Variants in DEPTOR observed in about 807,000 individuals in gnomAD.
DEPTOR encodes the protein DEP domain containing MTOR interacting protein.
Under a neutral mutation model 41.6 loss-of-function variants are expected in DEPTOR, and 41 were observed. The observed-to-expected ratio is 0.98, with a 90% CI of 0.77 to 1.28. The LOEUF (loss-of-function observed/expected upper bound fraction) is 1.28, where lower values mean the gene tolerates loss of function less well. Among genes scored for constraint, DEPTOR ranks in the 50% most tolerant of loss-of-function variants. The probability of loss-of-function intolerance (pLI) is 0.00; values close to 1 mark genes in which losing one functional copy is unlikely to be tolerated. For synonymous variants in DEPTOR, 195 were observed against 192.3 expected, an observed-to-expected ratio of 1.01 and a Z score of -0.12; for missense variants, 514 against 527.9, an observed-to-expected ratio of 0.97 and a Z score of 0.26.
intron 2 of DEPTOR, among the ~76,000 whole-genome samples, chr8:119,929,079 G>A (rs1586619409): frequency 6.6e-6 from 1 of 152,208 alleles, no homozygotes; most frequent in East Asian, 1.9e-4. Flanking sequence ...TTTTGCTGTT[G>A]TATAATACAT....
At chr8:119,959,582 AGTGGT>A (rs1368993098) in intron 3 of DEPTOR, among the ~76,000 whole-genome samples, 1 of 151,306 alleles carries the variant, frequency 6.6e-6, no homozygotes, top group Non-Finnish European at 1.5e-5. Context: ...GCTGGAGTAC[AGTGGT>A]GCGATCTCGG....
intron 3 of DEPTOR, among the ~76,000 whole-genome samples, chr8:119,943,899 T>G (rs931495867): frequency 2.0e-5 from 3 of 152,054 alleles, no homozygotes; most frequent in African/African-American, 4.8e-5. Flanking sequence ...GTGCAGTGGC[T>G]CAATCTTGGC....
intron 4 of DEPTOR, among the ~76,000 whole-genome samples, chr8:119,976,789 G>A (rs1419710540): frequency 6.6e-6 from 1 of 152,094 alleles, no homozygotes; most frequent in Admixed American, 6.6e-5. Context: ...TCTTGACCCT[G>A]GGTGGGGACC....
intron 1 of DEPTOR, among the ~76,000 whole-genome samples, chr8:119,920,391 T>G (rs996835276): frequency 2.0e-5 from 3 of 152,214 alleles, no homozygotes; most frequent in African/African-American, 7.2e-5. Flanking sequence ...TGCTTTACTG[T>G]TGGCGCTAAA....
At chr8:120,036,936 G>C (rs567105405) in intron 8 of DEPTOR, among the ~76,000 whole-genome samples, 1 of 152,314 alleles carries the variant, frequency 6.6e-6, no homozygotes, top group African/African-American at 2.4e-5. Context: ...TCCTTGGGAG[G>C]TTCTCTTAGA....
chr8:119,891,749 G>C (rs746059245), intron 1 of DEPTOR, among the ~76,000 whole-genome samples: 10 of 151,840 alleles, frequency 6.6e-5, no homozygotes, highest in African/African-American at 1.2e-4. Context: ...TGTATTACTT[G>C]AGTTTTGATG....
chr8:120,019,920 A>G (rs1292312910), intron 8 of DEPTOR, among the ~76,000 whole-genome samples: 1 of 152,040 alleles, frequency 6.6e-6, no homozygotes, highest in Non-Finnish European at 1.5e-5. Context: ...AGTCACTGCC[A>G]CACTGCTCGT....
intron 8 of DEPTOR, among the ~76,000 whole-genome samples, chr8:120,013,900 C>A (rs1027859472): frequency 6.7e-6 from 1 of 148,856 alleles, no homozygotes; most frequent in East Asian, 2.0e-4. Context: ...CGTGCAGTGG[C>A]GGGATCTCAG....
At chr8:119,894,358 A>G (rs1156637554) in intron 1 of DEPTOR, among the ~76,000 whole-genome samples, 1 of 149,036 alleles carries the variant, frequency 6.7e-6, no homozygotes, top group Non-Finnish European at 1.5e-5. Context: ...GGTGTGAACC[A>G]CTGCACCTGG....
intron 3 of DEPTOR, among the ~76,000 whole-genome samples, chr8:119,964,373 G>T (rs1253272233): frequency 6.6e-6 from 1 of 151,918 alleles, no homozygotes; most frequent in East Asian, 1.9e-4. Context: ...AAATTAGCCG[G>T]GTGTAGTGGC....
intron 5 of DEPTOR, among the ~76,000 whole-genome samples, 186 bp from the exon 6 acceptor site, chr8:120,002,791 A>ATATATATATATATATATAT (rs1554584639): frequency 1.6e-5 from 1 of 60,668 alleles, no homozygotes; most frequent in Non-Finnish European, 2.9e-5. Context: ...AAAAAAAAAA[A>ATATATATATATATATATAT]ATATATATAT....
chr8:120,014,388 C>G (rs771222564), intron 8 of DEPTOR, among the ~76,000 whole-genome samples: 1 of 152,188 alleles, frequency 6.6e-6, no homozygotes, highest in Admixed American at 6.5e-5. Flanking sequence ...GTGCAAGGCT[C>G]TTTCGCTACA....
chr8:120,007,752 CG>C (rs1812466732), intron 7 of DEPTOR, among the ~76,000 whole-genome samples: 1 of 152,174 alleles, frequency 6.6e-6, no homozygotes, highest in South Asian at 2.1e-4. Context: ...AGGAGAAAGG[CG>C]CTGACAACAT....
intron 8 of DEPTOR, among the ~76,000 whole-genome samples, chr8:120,049,001 T>G: frequency 6.6e-6 from 1 of 152,164 alleles, no homozygotes. Flanking sequence ...AAGTAATAAG[T>G]ATAGATATTT....
At chr8:119,899,596 T>C (rs1403182037) in intron 1 of DEPTOR, among the ~76,000 whole-genome samples, 3 of 152,224 alleles carry the variant, frequency 2.0e-5, no homozygotes, top group Non-Finnish European at 2.9e-5. Context: ...GCAATTGGAA[T>C]GGTTTTTGTT....
In DEPTOR at chr8:119,928,468, T is replaced by C. The variant is rs1256303031; in HGVS notation, c.191T>C (p.Phe64Ser). Residue 64 changes from phenylalanine to serine, a missense_variant, in exon 2 of 9, where the codon TTT becomes TCT. Phe to Ser is a radical substitution (Grantham distance 155, BLOSUM62 -2). Coordinates refer to ENST00000286234, the MANE Select transcript of DEPTOR (RefSeq NM_022783.4). ...CATCTCAAGACCTACCCAAACTGTT[T>C]TGTCGCAAAAGAACTGATTGACTGG... is the stretch of plus-strand genomic sequence containing the variant. ...RHHLKTYPNC[F>S]VAKELIDWLI... 1 of 1,614,204 alleles carries C rather than the reference T, an allele frequency of 6.2e-7. No individual in the cohort carries two copies. Among genetic ancestry groups the C allele is most frequent in the South Asian group, 1.1e-5 (1 of 91,078 alleles).
chr8:119,882,072 G>T (rs779326841), intron 1 of DEPTOR, among the ~76,000 whole-genome samples: 10 of 152,064 alleles, frequency 6.6e-5, no homozygotes, highest in Non-Finnish European at 1.2e-4. Context: ...TTAATTTTTA[G>T]TAGAGATGAG....
chr8:119,959,761 C>A (rs1828466423), intron 3 of DEPTOR, among the ~76,000 whole-genome samples: 1 of 151,926 alleles, frequency 6.6e-6, no homozygotes, highest in African/African-American at 2.4e-5. Flanking sequence ...AAACTCATGA[C>A]CTCAAGTAAT....
At chr8:119,971,230 CAAA>C (rs36009381) in intron 4 of DEPTOR, among the ~76,000 whole-genome samples, 181 of 109,494 alleles carry the variant, frequency 1.7e-3, no homozygotes, top group South Asian at 1.8e-3. Flanking sequence ...GACTCCGTCT[CAAA>C]AAAAAAAAAA....
Sources: gnomAD v4.1 joint callset for allele counts (sites outside exome capture counted in the v4.1 genomes callset) on GRCh38, gnomAD v4.1.1 for gene constraint, MANE v1.5 for transcripts, NCBI Gene and HGNC (gene_info 2026-07-23, HGNC 2026-07-21) for gene names.